SLC67A2: variants seen among roughly 807,000 people sequenced by gnomAD.
SLC67A2 encodes the protein solute carrier family 67 member A2.
At chr2:102,722,302 T>C in the SLC67A2 span, among the ~76,000 whole-genome samples, 1 of 152,138 alleles carries the variant, frequency 6.6e-6, no homozygotes, top group Non-Finnish European at 1.5e-5. Context: ...CCTATGGGAA[T>C]GAGCCTGGCA....
the SLC67A2 span, among the ~76,000 whole-genome samples, chr2:102,726,130 C>A: frequency 6.6e-6 from 1 of 152,212 alleles, no homozygotes; most frequent in Non-Finnish European, 1.5e-5. Context: ...AGCCTGGAAA[C>A]AGCAAACTCG....
the SLC67A2 span, among the ~76,000 whole-genome samples, chr2:102,721,860 A>C: frequency 6.6e-6 from 1 of 152,080 alleles, no homozygotes; most frequent in South Asian, 2.1e-4. Context: ...ATGTGTCACC[A>C]TGCCTGGATA....
chr2:102,725,106 G>C, the SLC67A2 span, among the ~76,000 whole-genome samples: 2 of 152,224 alleles, frequency 1.3e-5, no homozygotes, highest in Non-Finnish European at 2.9e-5. Flanking sequence ...AGAGGTTGGG[G>C]TGGTGGACAG....
the SLC67A2 span, chr2:102,732,310 T>C: frequency 1.9e-5 from 30 of 1,607,446 alleles, no homozygotes; most frequent in Non-Finnish European, 2.6e-5. Context: ...ATGAGCAATA[T>C]CGACCACTCA....
At chr2:102,718,523 G>C in the SLC67A2 span, 3 of 1,613,506 alleles carry the variant, frequency 1.9e-6, no homozygotes, top group Non-Finnish European at 2.5e-6. Context: ...CAGGCTGGGG[G>C]GGCCGCAAGG....
chr2:102,715,564 G>C, the SLC67A2 span, among the ~76,000 whole-genome samples: 1 of 152,076 alleles, frequency 6.6e-6, no homozygotes. Flanking sequence ...CTAGACATGA[G>C]GGCAGAGGCC....
the SLC67A2 span, among the ~76,000 whole-genome samples, chr2:102,735,953 A>G: frequency 6.6e-6 from 1 of 152,130 alleles, no homozygotes. Context: ...GCATTTTTAA[A>G]CATTCAAGTC....
At chr2:102,736,858 C>T in the SLC67A2 span, 2 of 1,547,796 alleles carry the variant, frequency 1.3e-6, no homozygotes, top group Non-Finnish European at 1.7e-6. Flanking sequence ...CGGACCTACC[C>T]CGGGAGCCCA....
the SLC67A2 span, among the ~76,000 whole-genome samples, chr2:102,726,132 G>C: frequency 6.6e-6 from 1 of 152,220 alleles, no homozygotes; most frequent in Non-Finnish European, 1.5e-5. Context: ...CCTGGAAACA[G>C]CAAACTCGCC....
the SLC67A2 span, among the ~76,000 whole-genome samples, chr2:102,735,798 C>T: frequency 2.0e-5 from 3 of 152,006 alleles, no homozygotes; most frequent in African/African-American, 7.3e-5. Flanking sequence ...ACTTTCCATT[C>T]TACGTGGGAA....
At chr2:102,730,639 T>C in the SLC67A2 span, among the ~76,000 whole-genome samples, 1 of 149,010 alleles carries the variant, frequency 6.7e-6, no homozygotes, top group African/African-American at 2.5e-5. Context: ...GCCTCCCGGC[T>C]TCACACCATT....
chr2:102,720,284 G>C, the SLC67A2 span, among the ~76,000 whole-genome samples: 2 of 152,216 alleles, frequency 1.3e-5, no homozygotes, highest in South Asian at 4.1e-4. Flanking sequence ...AACCACATGA[G>C]AATGTGGAGG....
the SLC67A2 span, chr2:102,723,875 A>T: frequency 6.2e-7 from 1 of 1,614,064 alleles, no homozygotes; most frequent in Middle Eastern, 1.7e-4. Flanking sequence ...CAGAAAGTAG[A>T]GCCCTTGAGA....
At chr2:102,728,767 C>T in the SLC67A2 span, among the ~76,000 whole-genome samples, 1 of 152,160 alleles carries the variant, frequency 6.6e-6, no homozygotes, top group South Asian at 2.1e-4. Flanking sequence ...GACATATGAG[C>T]TAACCTCTCT....
chr2:102,718,899 C>T, the SLC67A2 span: 4 of 1,614,206 alleles, frequency 2.5e-6, no homozygotes, highest in South Asian at 4.4e-5. Flanking sequence ...TTGGGCCGCA[C>T]CCCAAAGCGC....
the SLC67A2 span, among the ~76,000 whole-genome samples, chr2:102,735,758 G>A: frequency 6.6e-6 from 1 of 152,148 alleles, no homozygotes; most frequent in Non-Finnish European, 1.5e-5. Flanking sequence ...CATGGCAGGT[G>A]TTCAGAAATG....
chr2:102,734,320 G>T, the SLC67A2 span, among the ~76,000 whole-genome samples: 1 of 152,154 alleles, frequency 6.6e-6, no homozygotes, highest in Admixed American at 6.5e-5. Context: ...GAGGAAAAAA[G>T]TGGTTGAAAT....
the SLC67A2 span, chr2:102,736,837 A>T: frequency 6.3e-7 from 1 of 1,581,844 alleles, no homozygotes; most frequent in Non-Finnish European, 8.6e-7. Flanking sequence ...GGTCGGACGC[A>T]GCAGCAGCCG....
the SLC67A2 span, chr2:102,726,702 C>T: frequency 9.0e-6 from 11 of 1,218,712 alleles, no homozygotes; most frequent in South Asian, 5.4e-5. Flanking sequence ...TTGCCAGGCA[C>T]GGCTCCCTTC....
Sources: allele counts gnomAD v4.1 joint callset (sites outside exome capture counted in the v4.1 genomes callset), GRCh38; gene constraint gnomAD v4.1.1; transcripts MANE v1.5; gene names NCBI Gene and HGNC (gene_info 2026-07-23, HGNC 2026-07-21).